STPG2: variants seen among roughly 807,000 people sequenced by gnomAD.
The protein encoded by STPG2 is sperm-tail PG-rich repeat-containing protein 2.
In STPG2, 56 loss-of-function variants were observed where a neutral mutation model predicts 54.2. That is an observed-to-expected ratio of 1.03 (90% confidence interval 0.83 to 1.29). The LOEUF is 1.29. STPG2 is among the 50% of genes most tolerant of loss of function. The pLI is 0.00. For missense variants in STPG2, 596 were observed against 544.9 expected (o/e 1.09, Z -0.93); for synonymous variants, 200 against 181.8 (o/e 1.10, Z -0.81).
chr4:97,919,400 A>G (rs930934564), intron 8 of STPG2, among the ~76,000 whole-genome samples: 2 of 151,624 alleles, frequency 1.3e-5, no homozygotes, highest in African/African-American at 4.8e-5. Flanking sequence ...TTCTTTAAAA[A>G]GAGTATAAAT....
At chr4:97,933,611 T>G (rs1732632861) in intron 8 of STPG2, among the ~76,000 whole-genome samples, 1 of 152,220 alleles carries the variant, frequency 6.6e-6, no homozygotes. Context: ...CACCATTTAT[T>G]AAATAGGGAA....
intron 5 of STPG2, among the ~76,000 whole-genome samples, chr4:98,027,441 G>C (rs1736460294): frequency 6.6e-6 from 1 of 152,098 alleles, no homozygotes; most frequent in Non-Finnish European, 1.5e-5. Context: ...AATCTCATCA[G>C]CTCAAAGAAC....
At chr4:97,814,064 G>A (rs1440511764) in intron 9 of STPG2, among the ~76,000 whole-genome samples, 1 of 152,012 alleles carries the variant, frequency 6.6e-6, no homozygotes, top group East Asian at 1.9e-4. Context: ...CACCTAATGA[G>A]ATCATGAAAA....
chr4:98,117,250 A>G (rs1739546457), intron 3 of STPG2, among the ~76,000 whole-genome samples: 1 of 152,016 alleles, frequency 6.6e-6, no homozygotes, highest in Non-Finnish European at 1.5e-5. Flanking sequence ...AACACTTTGA[A>G]TAAGTCATCC....
At chr4:98,078,623 GA>G (rs1274891329) in intron 5 of STPG2, among the ~76,000 whole-genome samples, 1 of 150,904 alleles carries the variant, frequency 6.6e-6, no homozygotes, top group African/African-American at 2.4e-5. Flanking sequence ...AGAGTGCAAA[GA>G]TAAATGTGCA....
chr4:97,798,394 G>A (rs564887075), intron 9 of STPG2, among the ~76,000 whole-genome samples: 125 of 152,104 alleles, frequency 8.2e-4, no homozygotes, highest in Non-Finnish European at 1.7e-3. Flanking sequence ...CTTTGTTCTC[G>A]TTGGTTTCAA....
chr4:97,736,859 G>C (rs1725017421), intron 9 of STPG2, among the ~76,000 whole-genome samples: 1 of 152,162 alleles, frequency 6.6e-6, no homozygotes, highest in Non-Finnish European at 1.5e-5. Context: ...GAGAGCAGTG[G>C]TTCTCCCAGC....
At chr4:97,972,480 CT>C in intron 6 of STPG2, 40 bp from the exon 7 acceptor site, 1 of 1,206,524 alleles carries the variant, frequency 8.3e-7, no homozygotes, top group Non-Finnish European at 1.1e-6. Flanking sequence ...AATAAGCATG[CT>C]TTTATATGCA....
chr4:97,669,006 A>AT (rs1244488531), intron 10 of STPG2, among the ~76,000 whole-genome samples: 1 of 152,104 alleles, frequency 6.6e-6, no homozygotes, highest in Non-Finnish European at 1.5e-5. Context: ...GAAGAAAGAT[A>AT]TATTACAGAG....
intron 4 of STPG2, among the ~76,000 whole-genome samples, chr4:97,474,210 T>G (rs1730016260): frequency 6.6e-6 from 1 of 152,064 alleles, no homozygotes; most frequent in African/African-American, 2.4e-5. Flanking sequence ...TCTCCATACA[T>G]TTTGTTCAAT....
intron 9 of STPG2, among the ~76,000 whole-genome samples, chr4:97,829,287 G>C (rs902174206): frequency 6.6e-6 from 1 of 152,126 alleles, no homozygotes; most frequent in African/African-American, 2.4e-5. Flanking sequence ...AGAGTGGCCT[G>C]TTACAAAGAA....
chr4:97,837,303 T>C (rs1728663273), intron 9 of STPG2, among the ~76,000 whole-genome samples: 1 of 151,708 alleles, frequency 6.6e-6, no homozygotes, highest in Non-Finnish European at 1.5e-5. Flanking sequence ...TAAGAAACAC[T>C]GATATAAATT....
chr4:97,794,064 T>C (rs1202888353), intron 9 of STPG2, among the ~76,000 whole-genome samples: 1 of 152,110 alleles, frequency 6.6e-6, no homozygotes, highest in East Asian at 1.9e-4. Flanking sequence ...AAATTTGAGC[T>C]CTTCTCTGTT....
intron 3 of STPG2, among the ~76,000 whole-genome samples, chr4:98,112,625 C>CA (rs1475706029): frequency 6.6e-6 from 1 of 152,022 alleles, no homozygotes; most frequent in African/African-American, 2.4e-5. Context: ...TTCATAGATG[C>CA]AAACGTGTAC....
intron 9 of STPG2, among the ~76,000 whole-genome samples, chr4:97,839,182 A>C (rs1450744689): frequency 6.6e-6 from 1 of 151,646 alleles, no homozygotes; most frequent in Non-Finnish European, 1.5e-5. Context: ...ACTTCAAAGG[A>C]GCTTCAAAGG....
intron 6 of STPG2, among the ~76,000 whole-genome samples, chr4:97,973,063 G>A (rs1435385710): frequency 6.6e-6 from 1 of 152,194 alleles, no homozygotes; most frequent in African/African-American, 2.4e-5. Flanking sequence ...TTGGAACTGG[G>A]TAACAGGCAT....
intron 1 of STPG2, 80 bp from the exon 2 acceptor site, chr4:98,134,539 A>G: frequency 1.6e-6 from 1 of 639,680 alleles, no homozygotes; most frequent in South Asian, 3.3e-5. Flanking sequence ...AATATATATA[A>G]TCATGAGTAT....
intron 9 of STPG2, among the ~76,000 whole-genome samples, chr4:97,718,194 A>G (rs1724349023): frequency 6.6e-6 from 1 of 152,100 alleles, no homozygotes; most frequent in Admixed American, 6.5e-5. Context: ...CACATCACAG[A>G]TGAAGTCACA....
chr4:97,839,395 C>A (rs899269321), intron 9 of STPG2, among the ~76,000 whole-genome samples: 5 of 151,366 alleles, frequency 3.3e-5, no homozygotes, highest in Non-Finnish European at 5.9e-5. Flanking sequence ...TGCATTCCAT[C>A]GGTAAGAATT....
Sources: gnomAD v4.1 joint callset for allele counts (sites outside exome capture counted in the v4.1 genomes callset) on GRCh38, gnomAD v4.1.1 for gene constraint, MANE v1.5 for transcripts, NCBI Gene and HGNC (gene_info 2026-07-23, HGNC 2026-07-21) for gene names.